The following NALF1 variants were observed in gnomAD, a reference collection of about 807,000 sequenced individuals.
The protein encoded by NALF1 is family with sequence similarity 155 member A.
A neutral mutation model predicts 48.4 loss-of-function variants in NALF1; 3 were observed. The ratio of observed to expected loss-of-function variants is 0.06; its 90% CI spans 0.03 to 0.16. The LOEUF (loss-of-function observed/expected upper bound fraction) is 0.16, where lower values mean the gene tolerates loss of function less well. NALF1 is among the 10% of genes least tolerant of loss of function. The pLI, the probability that NALF1 is intolerant of heterozygous loss-of-function variation, is 1.00. For missense variants in NALF1, 526 were observed against 571.5 expected, an observed-to-expected ratio of 0.92 and a Z score of 0.81; for synonymous variants, 262 against 245.7, an observed-to-expected ratio of 1.07 and a Z score of -0.62.
chr13:107,411,433 C>A (rs1020212270), intron 1 of NALF1, among the ~76,000 whole-genome samples: 2 of 151,694 alleles, frequency 1.3e-5, no homozygotes, highest in Non-Finnish European at 2.9e-5. Context: ...CACCTCGACC[C>A]CACAAAGTAT....
At chr13:107,688,837 G>A (rs926084990) in intron 1 of NALF1, among the ~76,000 whole-genome samples, 2 of 152,190 alleles carry the variant, frequency 1.3e-5, no homozygotes, top group Admixed American at 1.3e-4. Flanking sequence ...GCAGAGGTTG[G>A]CAGAAATGTG....
chr13:107,338,062 G>A (rs963409044), intron 1 of NALF1, among the ~76,000 whole-genome samples: 1 of 152,110 alleles, frequency 6.6e-6, no homozygotes, highest in Admixed American at 6.5e-5. Context: ...GTGCATTTGC[G>A]TATTTTAACA....
rs61686895 is a variant in NALF1, at chr13:107,438,827, C to CAAAA, written c.916-228076_916-228073dup. Among the ~76,000 whole-genome samples, 176 of 17,884 alleles carry CAAAA rather than the reference C, an allele frequency of 9.8e-3. 10 individuals carry two copies. The highest frequency in any genetic ancestry group is 0.015 in the African/African-American group (87 of 5,672). 11.7% of individuals were successfully genotyped at this position (17,884 alleles called of 152,430 possible). ...TGGATGACAGAGTGAGACTCCATCTCAAAAAAAAAAAAAAAAAAAAAAAAG... is the reference window on the plus strand; with the variant it reads ...TGGATGACAGAGTGAGACTCCATCTCAAAAAAAAAAAAAAAAAAAAAAAAAAAAG... On this transcript the variant is annotated intron_variant, in intron 1 of 2. Coordinates refer to ENST00000375915, the MANE Select transcript of NALF1 (RefSeq NM_001080396.3).
intron 1 of NALF1, among the ~76,000 whole-genome samples, chr13:107,704,277 T>C (rs1881894810): frequency 1.3e-5 from 2 of 152,228 alleles, no homozygotes; most frequent in African/African-American, 4.8e-5. Context: ...CTGAAATGTA[T>C]TATTGAATTA....
At chr13:107,837,584 G>A (rs952527500) in intron 1 of NALF1, among the ~76,000 whole-genome samples, 1 of 152,140 alleles carries the variant, frequency 6.6e-6, no homozygotes, top group Admixed American at 6.5e-5. Flanking sequence ...AAAGAGAGGG[G>A]AGATGCTGAG....
At chr13:107,701,770 A>G (rs1054328522) in intron 1 of NALF1, among the ~76,000 whole-genome samples, 3 of 152,216 alleles carry the variant, frequency 2.0e-5, no homozygotes, top group Non-Finnish European at 4.4e-5. Context: ...GAGATGATAG[A>G]TATATCGATT....
intron 1 of NALF1, among the ~76,000 whole-genome samples, chr13:107,426,603 G>T (rs1884285050): frequency 6.6e-6 from 1 of 152,112 alleles, no homozygotes; most frequent in Non-Finnish European, 1.5e-5. Flanking sequence ...AGCTTGCGAA[G>T]GGTCAAATCA....
At chr13:107,437,010 C>T (rs1384338266) in intron 1 of NALF1, among the ~76,000 whole-genome samples, 3 of 151,876 alleles carry the variant, frequency 2.0e-5, no homozygotes, top group East Asian at 1.9e-4. Flanking sequence ...AAGTGGTATC[C>T]GGGACATACA....
chr13:107,638,187 TTA>T lies in NALF1; in HGVS notation c.915+227493_915+227494del, dbSNP rs559263292. The stretch of plus-strand genomic sequence containing the variant: ...TATATATCCCTATCTATATAAAGAT[TTA>T]TATATATATATATATATAATTTAAG... On this transcript the variant is annotated intron_variant, in intron 1 of 2. Coordinates refer to ENST00000375915, the MANE Select transcript of NALF1 (RefSeq NM_001080396.3). Among the ~76,000 whole-genome samples the T allele has an allele frequency of 1.4e-3, 72 of 53,042 alleles. 4 individuals are homozygous for T. The highest frequency in any genetic ancestry group is 2.3e-3 in the Non-Finnish European group (48 of 20,954). 34.8% of individuals were successfully genotyped at this position (53,042 alleles called of 152,430 possible).
At chr13:107,845,470 G>A (rs868085534) in intron 1 of NALF1, among the ~76,000 whole-genome samples, 6 of 152,096 alleles carry the variant, frequency 3.9e-5, no homozygotes, top group African/African-American at 1.4e-4. Flanking sequence ...GCCCTAACAC[G>A]ATTCACTCCT....
In NALF1 at chr13:107,849,991, A is replaced by G. The variant is rs143207647; in HGVS notation, c.915+15691T>C. ...TAATTTATTATTTTCTTCCTTTTCA[A>G]CAATTTGTATGCAACCTTTGAAAAT... On this transcript the variant is annotated intron_variant, in intron 1 of 2. Coordinates refer to ENST00000375915, the MANE Select transcript of NALF1 (RefSeq NM_001080396.3). 1.8e-3 allele frequency among the ~76,000 whole-genome samples: 278 copies of G among 152,306 alleles called. 1 individual carries two copies. Among genetic ancestry groups the G allele is most frequent in the African/African-American group, 6.4e-3 (267 of 41,558 alleles).
At chr13:107,367,477 T>C (rs1053901386) in intron 1 of NALF1, among the ~76,000 whole-genome samples, 1 of 152,158 alleles carries the variant, frequency 6.6e-6, no homozygotes, top group Admixed American at 6.5e-5. Flanking sequence ...GAATCAGTCA[T>C]GCGTTTCCCA....
rs190444798 is a variant in NALF1, at chr13:107,771,925, C to T, written c.915+93757G>A. 2.2e-3 allele frequency among the ~76,000 whole-genome samples: 332 copies of T among 152,168 alleles called. 2 individuals carry two copies. Among genetic ancestry groups the T allele is most frequent in the Non-Finnish European group, 3.5e-3 (238 of 67,996 alleles). On this transcript the variant is annotated intron_variant, in intron 1 of 2. Transcript: ENST00000375915. ...CTAATTTTTGTATTTTTAGTAGAGA[C>T]AGGGTCTCACCATGTTGGCCAGGAT...
chr13:107,761,027 C>T (rs1328685895), intron 1 of NALF1, among the ~76,000 whole-genome samples: 1 of 152,156 alleles, frequency 6.6e-6, no homozygotes, highest in Non-Finnish European at 1.5e-5. Flanking sequence ...CTTCTGTCCT[C>T]TTGTAGCCAA....
chr13:107,601,946 C>T (rs76766000), intron 1 of NALF1, among the ~76,000 whole-genome samples: 2,239 of 152,140 alleles, frequency 0.015, 57 homozygotes, highest in African/African-American at 0.052. Flanking sequence ...CTTCCCTATC[C>T]TTTTTTGTTT....
chr13:107,634,162 A>G (rs529093921), intron 1 of NALF1, among the ~76,000 whole-genome samples: 2 of 152,268 alleles, frequency 1.3e-5, no homozygotes, highest in South Asian at 4.1e-4. Context: ...TTTATTCACC[A>G]GAAAAAATGT....
chr13:107,275,025 T>A (rs1442400220), intron 1 of NALF1, among the ~76,000 whole-genome samples: 3 of 152,154 alleles, frequency 2.0e-5, no homozygotes, highest in Non-Finnish European at 4.4e-5. Flanking sequence ...GGATAACTGA[T>A]GGATTAGTGT....
chr13:107,262,766 G>T (rs1594094537), intron 1 of NALF1, among the ~76,000 whole-genome samples: 1 of 37,862 alleles, frequency 2.6e-5, no homozygotes, highest in Non-Finnish European at 5.3e-5. Flanking sequence ...ATAACCCACA[G>T]GCGCTCTCTC....
chr13:107,672,145 TTGAG>T (rs1192444206), intron 1 of NALF1, among the ~76,000 whole-genome samples: 1 of 152,174 alleles, frequency 6.6e-6, no homozygotes, highest in Non-Finnish European at 1.5e-5. Context: ...TAACACTCTG[TTGAG>T]TCCACCAACC....
Sources: allele counts gnomAD v4.1 joint callset (sites outside exome capture counted in the v4.1 genomes callset), GRCh38; gene constraint gnomAD v4.1.1; transcripts MANE v1.5; gene names NCBI Gene and HGNC (gene_info 2026-07-23, HGNC 2026-07-21).